Variants in C6 observed in about 807,000 individuals in gnomAD.
The protein encoded by C6 is complement C6, also known as complement component C6.
In C6, 101 loss-of-function variants were observed where a neutral mutation model predicts 112.9. The observed-to-expected ratio is 0.89, with a 90% CI of 0.76 to 1.06. The LOEUF is 1.06. C6 is among the 50% of genes least tolerant of loss of function. C6 has a pLI of 0.00. For missense variants in C6, 1,202 were observed against 1,104.6 expected (o/e 1.09, Z -1.25); for synonymous variants, 431 against 384.1 (o/e 1.12, Z -1.43).
chr5:41,254,959 G>C (rs1741593123), intron 1 of C6, among the ~76,000 whole-genome samples: 1 of 152,212 alleles, frequency 6.6e-6, no homozygotes, highest in African/African-American at 2.4e-5. Flanking sequence ...AATTGGTGAA[G>C]ACCCAGAGTA....
chr5:41,254,463 A>C (rs1741560210), intron 1 of C6, among the ~76,000 whole-genome samples: 1 of 152,184 alleles, frequency 6.6e-6, no homozygotes, highest in African/African-American at 2.4e-5. Context: ...AGCTAGTAAA[A>C]TAGAGTTTCT....
intron 1 of C6, among the ~76,000 whole-genome samples, chr5:41,247,844 T>A (rs1384405341): frequency 6.6e-6 from 1 of 151,800 alleles, no homozygotes; most frequent in Non-Finnish European, 1.5e-5. Context: ...GTACAAATAT[T>A]TTATCCTCAT....
chr5:41,202,102 C>T (rs1406444794), intron 2 of C6, among the ~76,000 whole-genome samples: 1 of 152,120 alleles, frequency 6.6e-6, no homozygotes, highest in African/African-American at 2.4e-5. Context: ...GAGAAAGATC[C>T]TGCAAACTGC....
intron 8 of C6, among the ~76,000 whole-genome samples, chr5:41,173,278 T>C (rs1748580683): frequency 6.6e-6 from 1 of 152,160 alleles, no homozygotes; most frequent in Admixed American, 6.6e-5. Context: ...TTTATCAAAC[T>C]CTCTAGCATC....
chr5:41,254,856 A>G (rs1163312676), intron 1 of C6, among the ~76,000 whole-genome samples: 2 of 152,218 alleles, frequency 1.3e-5, no homozygotes, highest in South Asian at 2.1e-4. Context: ...TTCTGCTACT[A>G]TGGATCTCAG....
At chr5:41,150,140 G>T in intron 15 of C6, 115 bp from the exon 16 acceptor site, 2 of 746,050 alleles carry the variant, frequency 2.7e-6, no homozygotes, top group Non-Finnish European at 2.4e-6. Context: ...CTTGGAGTTA[G>T]ATCATTCATT....
intron 3 of C6, among the ~76,000 whole-genome samples, chr5:41,200,891 G>GTTTTTTTTTTTTTTTTTTTTTTTTTTTTT (rs143443464): frequency 1.4e-5 from 1 of 70,670 alleles, no homozygotes; most frequent in African/African-American, 6.5e-5. Context: ...TGTTGTTGTT[G>GTTTTTTTTTTTTTTTTTTTTTTTTTTTTT]TTTTTTTTTT....
intron 5 of C6, among the ~76,000 whole-genome samples, chr5:41,187,976 T>C (rs955290327): frequency 6.6e-5 from 10 of 152,140 alleles, no homozygotes; most frequent in Non-Finnish European, 5.9e-5. Flanking sequence ...TGTATTTCCC[T>C]ACAAATAGCA....
chr5:41,167,698 A>T (rs1318507829), intron 9 of C6, among the ~76,000 whole-genome samples: 3 of 152,178 alleles, frequency 2.0e-5, no homozygotes, highest in Admixed American at 6.6e-5. Context: ...AGCTTGAGGC[A>T]CAAAGAGGGA....
intron 1 of C6, among the ~76,000 whole-genome samples, chr5:41,218,615 C>A (rs894128818): frequency 6.6e-6 from 1 of 152,092 alleles, no homozygotes; most frequent in Non-Finnish European, 1.5e-5. Flanking sequence ...AAAATTTAAT[C>A]CTGTAGGACC....
At position 41,161,460 on chromosome 5, in the gene C6, G is replaced by A. The variant is rs1346054843; in HGVS notation, c.1458+233C>T. 2.0e-5 allele frequency among the ~76,000 whole-genome samples: 3 copies of A among 152,062 alleles called. No homozygotes were observed. In the East Asian group the frequency reaches 5.8e-4, roughly 29 times the overall value. ...TATTCACTAAGTTCCATTTCCTGGT[G>A]TTTCATGCATGCTAGGAATTCTAAA... On this transcript the variant is annotated intron_variant, in intron 10 of 17. Transcript: ENST00000337836.
At chr5:41,162,144 G>T (rs565112546) in intron 9 of C6, among the ~76,000 whole-genome samples, 1 of 152,298 alleles carries the variant, frequency 6.6e-6, no homozygotes, top group Admixed American at 6.5e-5. Flanking sequence ...ACCCTGAGAA[G>T]TAGGTATTAT....
At chr5:41,213,315 G>A in intron 1 of C6, 61 bp downstream of exon 1, 1 of 729,170 alleles carries the variant, frequency 1.4e-6, no homozygotes. Context: ...TAATTTTGTT[G>A]GAAACATGAT....
chr5:41,250,379 C>T (rs1369641708), intron 1 of C6, among the ~76,000 whole-genome samples: 2 of 152,136 alleles, frequency 1.3e-5, no homozygotes, highest in Non-Finnish European at 2.9e-5. Context: ...TGTTGTCTAC[C>T]TGTGGTCCTA....
intron 5 of C6, among the ~76,000 whole-genome samples, chr5:41,187,699 T>TAGACAC (rs747816645): frequency 8.1e-6 from 1 of 123,230 alleles, no homozygotes; most frequent in East Asian, 2.0e-4. Context: ...GACACACACA[T>TAGACAC]ACACACACAC....
At chr5:41,147,830 G>C (rs1296988762) in intron 17 of C6, among the ~76,000 whole-genome samples, 1 of 152,142 alleles carries the variant, frequency 6.6e-6, no homozygotes, top group African/African-American at 2.4e-5. Flanking sequence ...ATGTACTGCT[G>C]TGAAGTCCCT....
chr5:41,174,621 G>A (rs1748690475), intron 8 of C6, among the ~76,000 whole-genome samples: 1 of 152,034 alleles, frequency 6.6e-6, no homozygotes, highest in Non-Finnish European at 1.5e-5. Flanking sequence ...CTTGACTATG[G>A]GACATTGAAC....
Position 41,160,344 on chromosome 5 carries a change from T to C in C6, c.1482A>G (p.Val494=). 1 of 1,613,728 alleles carries C rather than the reference T, an allele frequency of 6.2e-7. No homozygotes were observed. Among genetic ancestry groups the C allele is most frequent in the Non-Finnish European group, 8.5e-7 (1 of 1,179,782 alleles). Residue 494 remains valine, a synonymous_variant, in exon 11 of 18, where the codon GTA becomes GTG. Transcript: ENST00000337836. The part of the protein sequence containing the change: ...DFELAPIVDL[V]RNIPCAVTKR... ...TTGTCACTGCACAGGGGATGTTTCTTACCAAGTCCACGATGGGGGCAAGCT... is the reference window on the plus strand; with the variant it reads ...TTGTCACTGCACAGGGGATGTTTCTCACCAAGTCCACGATGGGGGCAAGCT...
chr5:41,168,051 G>A (rs1748124560), intron 9 of C6, among the ~76,000 whole-genome samples: 1 of 152,132 alleles, frequency 6.6e-6, no homozygotes, highest in South Asian at 2.1e-4. Flanking sequence ...ATCTTAATTA[G>A]TTCAGTTTAC....
Sources: gnomAD v4.1 joint callset for allele counts (sites outside exome capture counted in the v4.1 genomes callset) on GRCh38, gnomAD v4.1.1 for gene constraint, MANE v1.5 for transcripts, NCBI Gene and HGNC (gene_info 2026-07-23, HGNC 2026-07-21) for gene names.